Variants in ZNF341 observed in about 807,000 individuals in gnomAD.
ZNF341 encodes the protein zinc finger protein 341.
ZNF341 carries 52 observed loss-of-function variants against 87.7 expected under a neutral mutation model. The observed-to-expected ratio is 0.59, with a 90% confidence interval of 0.47 to 0.75. ZNF341 has a LOEUF of 0.75. Among genes scored for constraint, ZNF341 ranks in the 30% least tolerant of loss-of-function variants. The pLI, the probability that ZNF341 is intolerant of heterozygous loss-of-function variation, is 0.00. For synonymous variants in ZNF341, 459 were observed against 472.7 expected (o/e 0.97, Z 0.38); for missense variants, 977 against 1,145.9 (o/e 0.85, Z 2.13).
At chr20:33,734,690 C>G (rs1040792913) in intron 1 of ZNF341, among the ~76,000 whole-genome samples, 8 of 152,080 alleles carry the variant, frequency 5.3e-5, no homozygotes, top group Non-Finnish European at 8.8e-5. Flanking sequence ...AATTCAAGTT[C>G]AGTTTTACAC....
chr20:33,755,614 A>T, intron 5 of ZNF341, among the ~76,000 whole-genome samples: 3 of 115,774 alleles, frequency 2.6e-5, no homozygotes, highest in East Asian at 2.4e-4. Context: ...TTTTTTTGAG[A>T]CTGAGTCTTG....
intron 10 of ZNF341, among the ~76,000 whole-genome samples, chr20:33,776,827 TTG>T (rs1434807385): frequency 6.6e-6 from 1 of 151,914 alleles, no homozygotes; most frequent in Non-Finnish European, 1.5e-5. Context: ...GTAAATTTGT[TTG>T]TTTGTTTGTT....
At position 33,732,100 on chromosome 20, in the gene ZNF341, C is replaced by T. The variant is rs1302503681; in HGVS notation, c.31+48C>T. 129 of 1,183,238 alleles carry T rather than the reference C, an allele frequency of 1.1e-4. No homozygotes were observed. The highest frequency in any genetic ancestry group is 1.3e-4 in the Non-Finnish European group (126 of 954,882). 73.3% of individuals were successfully genotyped at this position (1,183,238 alleles called of 1,614,324 possible). On this transcript the variant is annotated intron_variant, in intron 1 of 14. Coordinates refer to ENST00000375200, the MANE Select transcript of ZNF341 (RefSeq NM_001282933.2). This position sits in a 1 kb window ranked among gnomAD's most constrained non-coding sequence, Gnocchi z 4.5. ...GAGGCGGCTGTTCCGCGCTGCGCCC[C>T]CTCCCGCCGCGCCCTCGCAGCGCCC... is the stretch of plus-strand genomic sequence containing the variant.
At chr20:33,757,630 C>T (rs1466094811) in intron 6 of ZNF341, among the ~76,000 whole-genome samples, 1 of 152,188 alleles carries the variant, frequency 6.6e-6, no homozygotes, top group Non-Finnish European at 1.5e-5. Context: ...TATCCTGGTG[C>T]CTCATTGTCT....
In ZNF341 at chr20:33,791,488, G is replaced by A. The variant is rs746926250; in HGVS notation, c.2536G>A (p.Val846Met). The A allele has an allele frequency of 1.0e-5, 16 of 1,580,978 alleles. No individual in the cohort carries two copies. The Admixed American group carries it at 1.9e-4, about 19-fold the overall frequency. The change falls in exon 15 of 15, where the codon GTG becomes ATG. Residue 846 changes from valine to methionine, a missense_variant. Physicochemically the swap from Val to Met is conservative, Grantham distance 21 (BLOSUM62 1). Coordinates refer to ENST00000375200, the MANE Select transcript of ZNF341 (RefSeq NM_001282933.2). ...GAEGPCAMLA[V>M]PVYIQASE ...CGAGGGCCCATGTGCCATGCTCGCT[G>A]TGCCCGTCTACATCCAGGCCTCCGA...
At chr20:33,743,031 CTTTT>C (rs150306011) in intron 2 of ZNF341, among the ~76,000 whole-genome samples, 1 of 139,230 alleles carries the variant, frequency 7.2e-6, no homozygotes, top group African/African-American at 2.7e-5. Flanking sequence ...CTGTCTCTCT[CTTTT>C]TTTTTTTTTT....
intron 1 of ZNF341, among the ~76,000 whole-genome samples, chr20:33,739,454 T>C (rs1463199742): frequency 6.6e-6 from 1 of 152,194 alleles, no homozygotes; most frequent in African/African-American, 2.4e-5. Context: ...AGGCCTGTCA[T>C]CCGGCTAGTG....
rs777192898 is a variant in ZNF341, at chr20:33,791,594, A to T, written c.*77A>T. On this transcript the variant is annotated 3_prime_UTR_variant, in exon 15 of 15. Transcript: ENST00000375200. ...CAGGGCCCCTGGGGGCAGACCGGTG[A>T]TCCTTACCAGTGGAAGCGAGCCATC... 51 of 1,414,912 alleles carry T rather than the reference A, an allele frequency of 3.6e-5. 1 individual carries two copies. In the South Asian group the frequency reaches 4.0e-4, roughly 11 times the overall value. The allele number at this position is 1,414,912 out of a possible 1,614,324, so 87.6% of individuals were successfully genotyped here.
At chr20:33,783,534 G>A (rs1369913250) in intron 11 of ZNF341, among the ~76,000 whole-genome samples, 198 bp from the exon 12 acceptor site, 5 of 152,138 alleles carry the variant, frequency 3.3e-5, no homozygotes, top group Non-Finnish European at 7.4e-5. Context: ...AAAAGCTCAG[G>A]GCAGACATGT....
At chr20:33,789,411 C>T in intron 13 of ZNF341, 107 bp from the exon 14 acceptor site, 1 of 1,178,108 alleles carries the variant, frequency 8.5e-7, no homozygotes, top group Non-Finnish European at 1.3e-6. Context: ...CCTTGCCCAG[C>T]CCTTAGGGTG....
intron 6 of ZNF341, among the ~76,000 whole-genome samples, chr20:33,758,336 G>A (rs1601254621): frequency 1.3e-5 from 2 of 152,148 alleles, no homozygotes; most frequent in South Asian, 2.1e-4. Context: ...GCAAAGGCCC[G>A]GAGGCAGGAA....
chr20:33,765,718 T>G (rs950300290), intron 8 of ZNF341, among the ~76,000 whole-genome samples: 1 of 152,048 alleles, frequency 6.6e-6, no homozygotes, highest in Non-Finnish European at 1.5e-5. Flanking sequence ...TTGAAACTCC[T>G]TTAGTGCCTA....
chr20:33,788,589 T>C (rs995322772), intron 12 of ZNF341: 3 of 470,124 alleles, frequency 6.4e-6, no homozygotes, highest in Non-Finnish European at 1.2e-5. Flanking sequence ...AGGGCCTTTG[T>C]ACCTGCTTTC....
At position 33,789,656 on chromosome 20, in the gene ZNF341, G is replaced by A. The variant is rs554293689; in HGVS notation, c.2035+68G>A. On this transcript the variant is annotated intron_variant, in intron 14 of 14. Coordinates refer to ENST00000375200, the MANE Select transcript of ZNF341 (RefSeq NM_001282933.2). Reference sequence around the variant, plus strand: ...TAGTTCACTGGGATAGACCCGCCAGGAAGAGAAAGAGCAGACATATCCTGT... The same window carrying A: ...TAGTTCACTGGGATAGACCCGCCAGAAAGAGAAAGAGCAGACATATCCTGT... 1.1e-5 allele frequency: 17 copies of A among 1,536,996 alleles called. No homozygotes were observed. The East Asian group carries it at 3.4e-4, about 31-fold the overall frequency.
Position 33,791,413 on chromosome 20 carries a change from G to A in ZNF341, c.2461G>A (p.Ala821Thr), listed in dbSNP as rs747985035. Residue 821 changes from alanine to threonine, a missense_variant, in exon 15 of 15, where the codon GCT (alanine) becomes ACT (threonine). Ala to Thr is a moderately conservative substitution (Grantham distance 58). Coordinates refer to ENST00000375200, the MANE Select transcript of ZNF341 (RefSeq NM_001282933.2). ...AACTGAGCTGGTGGTACCTGGACACGCTGAGGGGCTGGGCTCCAACCTGGC... is the reference window on the plus strand; with the variant it reads ...AACTGAGCTGGTGGTACCTGGACACACTGAGGGGCTGGGCTCCAACCTGGC... ...AETELVVPGH[A>T]EGLGSNLALA... The A allele has an allele frequency of 1.2e-5, 19 of 1,611,774 alleles. No individual in the cohort carries two copies. Among genetic ancestry groups the A allele is most frequent in the South Asian group, 6.6e-5 (6 of 91,002 alleles).
chr20:33,748,872 A>T, intron 3 of ZNF341, 51 bp from the exon 4 acceptor site: 1 of 1,557,446 alleles, frequency 6.4e-7, no homozygotes, highest in Middle Eastern at 2.0e-4. Flanking sequence ...ATGAGCACAC[A>T]CACACTCTGT....
At chr20:33,737,307 A>T (rs1018912665) in intron 1 of ZNF341, among the ~76,000 whole-genome samples, 4 of 151,880 alleles carry the variant, frequency 2.6e-5, no homozygotes, top group Non-Finnish European at 4.4e-5. Context: ...TTTTATTTTT[A>T]TTTATTTATT....
At chr20:33,782,065 C>A (rs1057026469) in intron 11 of ZNF341, among the ~76,000 whole-genome samples, 23 of 152,108 alleles carry the variant, frequency 1.5e-4, no homozygotes, top group Non-Finnish European at 3.1e-4. Context: ...ACCTCAGACT[C>A]CCAGAGTGTT....
At chr20:33,770,797 C>A (rs968029749) in intron 10 of ZNF341, among the ~76,000 whole-genome samples, 1 of 152,016 alleles carries the variant, frequency 6.6e-6, no homozygotes, top group Non-Finnish European at 1.5e-5. Flanking sequence ...CATAATGAGA[C>A]CCCATCTCTA....
Sources: gnomAD v4.1 joint callset for allele counts (sites outside exome capture counted in the v4.1 genomes callset) on GRCh38, gnomAD v4.1.1 for gene constraint, Gnocchi (gnomAD v3.1) non-coding constraint, MANE v1.5 for transcripts, NCBI Gene and HGNC (gene_info 2026-07-23, HGNC 2026-07-21) for gene names.